Variants in MRPS31 observed in about 807,000 individuals in gnomAD.
The protein encoded by MRPS31 is small ribosomal subunit protein mS31.
Under a neutral mutation model 43.1 loss-of-function variants are expected in MRPS31, and 32 were observed. The observed-to-expected ratio is 0.74, with a 90% CI of 0.56 to 1.00. The LOEUF is 1.00. Ranked by LOEUF, MRPS31 falls within the 50% of genes least tolerant of loss-of-function variation. The probability of loss-of-function intolerance (pLI) is 0.00; values close to 1 mark genes in which losing one functional copy is unlikely to be tolerated. For missense variants in MRPS31, 437 were observed against 466.7 expected, an observed-to-expected ratio of 0.94 and a Z score of 0.59; for synonymous variants, 165 against 161.6, an observed-to-expected ratio of 1.02 and a Z score of -0.16.
Position 40,771,118 on chromosome 13 carries a change from T to C in MRPS31, c.19A>G (p.Thr7Ala), listed in dbSNP as rs747268164. 6.2e-7 allele frequency: 1 copy of C among 1,612,060 alleles called. No individual in the cohort carries two copies. Among genetic ancestry groups the C allele is most frequent in the South Asian group, 1.1e-5 (1 of 90,842 alleles). Residue 7 changes from threonine to alanine, a missense_variant, in exon 1 of 7, where the codon ACG (threonine) becomes GCG (alanine). Thr to Ala is a moderately conservative substitution (Grantham distance 58, BLOSUM62 0). Transcript: ENST00000323563. ...GAAAGGGGGCGAAGAGGTAGGAACG[T>C]CGAGACTCTAGGAAACATCGCCGAG... MFPRVS[T>A]FLPLRPLSRH...
intron 6 of MRPS31, among the ~76,000 whole-genome samples, chr13:40,739,646 C>G (rs1021728405): frequency 2.6e-5 from 4 of 152,094 alleles, no homozygotes; most frequent in Admixed American, 1.3e-4. Context: ...ATATCTACAA[C>G]TATCTGATCT....
intron 6 of MRPS31, among the ~76,000 whole-genome samples, chr13:40,735,084 C>T (rs547454274): frequency 2.0e-5 from 3 of 152,154 alleles, no homozygotes; most frequent in Non-Finnish European, 4.4e-5. Flanking sequence ...GCGCACCTTG[C>T]GCGAGCCGAA....
chr13:40,739,983 A>G (rs1020218716), intron 6 of MRPS31, among the ~76,000 whole-genome samples: 11 of 149,330 alleles, frequency 7.4e-5, no homozygotes, highest in Non-Finnish European at 1.0e-4. Context: ...AAAAGAAACT[A>G]CCATCAGAGT....
chr13:40,740,201 G>T (rs1419025854), intron 6 of MRPS31, among the ~76,000 whole-genome samples: 1 of 137,662 alleles, frequency 7.3e-6, no homozygotes, highest in African/African-American at 2.8e-5. Flanking sequence ...ACCATCACTG[G>T]CCATCAGAGA....
chr13:40,749,013 G>A, intron 6 of MRPS31, 125 bp downstream of exon 6: 1 of 862,312 alleles, frequency 1.2e-6, no homozygotes, highest in Non-Finnish European at 1.7e-6. Context: ...ATTTATTTTA[G>A]GACACCATGA....
intron 5 of MRPS31, among the ~76,000 whole-genome samples, chr13:40,750,301 G>A: frequency 6.6e-6 from 1 of 152,104 alleles, no homozygotes; most frequent in East Asian, 1.9e-4. Flanking sequence ...TTTCAGTTAT[G>A]TACAGTTCTA....
intron 1 of MRPS31, among the ~76,000 whole-genome samples, chr13:40,768,287 G>A (rs1247599127): frequency 6.6e-6 from 1 of 152,140 alleles, no homozygotes; most frequent in Non-Finnish European, 1.5e-5. Flanking sequence ...TAGTAAATAA[G>A]AATTTCATGG....
Position 40,771,151 on chromosome 13 carries a change from A to T in MRPS31, c.-15T>A. On this transcript the variant is annotated 5_prime_UTR_variant, in exon 1 of 7. Transcript: ENST00000323563. ...CTAGGAAACATCGCCGAGACACGAA[A>T]TGAACCAAGAACACAACTGAAATGG... 6.3e-7 allele frequency: 1 copy of T among 1,591,640 alleles called. No homozygotes were observed. Among genetic ancestry groups the T allele is most frequent in the Non-Finnish European group, 8.6e-7 (1 of 1,167,030 alleles).
At chr13:40,735,547 G>C (rs1879868832) in intron 6 of MRPS31, among the ~76,000 whole-genome samples, 1 of 152,078 alleles carries the variant, frequency 6.6e-6, no homozygotes, top group African/African-American at 2.4e-5. Flanking sequence ...CAGCTTTGAA[G>C]AGAGCAGTGG....
chr13:40,746,712 T>C (rs972723975), intron 6 of MRPS31, among the ~76,000 whole-genome samples: 3 of 152,218 alleles, frequency 2.0e-5, no homozygotes, highest in African/African-American at 7.2e-5. Context: ...AGATAATACA[T>C]ACTATCCTTG....
At chr13:40,743,752 G>A (rs1880165625) in intron 6 of MRPS31, among the ~76,000 whole-genome samples, 1 of 152,154 alleles carries the variant, frequency 6.6e-6, no homozygotes, top group African/African-American at 2.4e-5. Context: ...ACTGTTGGTG[G>A]GAATGTAAAT....
Position 40,749,188 on chromosome 13 carries a change from TG to T in MRPS31, c.907del (p.Gln303SerfsTer52). On this transcript the variant is annotated frameshift_variant, in exon 6 of 7. Transcript: ENST00000323563. LOFTEE classifies it high-confidence loss of function. ...CCATAGTTTCCCCTCTTTTGTCCAC[TG>T]GATCAGCTCTTCAAATCCATTCTGA... ...PLQNGFEELI[Q>X]WTKEGKLWEF... 6.2e-7 allele frequency: 1 copy of T among 1,602,438 alleles called. No individual in the cohort carries two copies. The highest frequency in any genetic ancestry group is 8.5e-7 in the Non-Finnish European group (1 of 1,177,746).
chr13:40,761,785 C>CT (rs1880701220), intron 2 of MRPS31, among the ~76,000 whole-genome samples: 1 of 152,012 alleles, frequency 6.6e-6, no homozygotes, highest in South Asian at 2.1e-4. Flanking sequence ...GGGAAAGAAA[C>CT]TGAGTGGATA....
At chr13:40,759,144 AAAAG>A (rs753057154) in intron 2 of MRPS31, 38 bp from the exon 3 acceptor site, 13 of 1,523,018 alleles carry the variant, frequency 8.5e-6, no homozygotes, top group Non-Finnish European at 1.1e-5. Context: ...GAAAGAAAAA[AAAAG>A]AGAGATTGGC....
chr13:40,754,146 CA>C, intron 4 of MRPS31, 54 bp from the exon 5 acceptor site: 2 of 976,742 alleles, frequency 2.0e-6, no homozygotes, highest in Non-Finnish European at 3.0e-6. Flanking sequence ...AAACTGTCAA[CA>C]AAAACTATGA....
chr13:40,770,771 G>A, intron 1 of MRPS31: 4 of 550,438 alleles, frequency 7.3e-6, no homozygotes, highest in Non-Finnish European at 1.3e-5. Context: ...CAAGAGGAAT[G>A]AGGCGCGGCG....
At chr13:40,756,763 T>C in intron 4 of MRPS31, 110 bp downstream of exon 4, 1 of 1,194,984 alleles carries the variant, frequency 8.4e-7, no homozygotes, top group South Asian at 1.3e-5. Flanking sequence ...GTATTCATAA[T>C]GTTCAGATAT....
rs186868722 is a variant in MRPS31 at position 40,744,206 on chromosome 13, G to A, written c.958+4932C>T. Among the ~76,000 whole-genome samples, 373 of 152,312 alleles carry A rather than the reference G, an allele frequency of 2.4e-3. 2 individuals carry two copies. Among genetic ancestry groups the A allele is most frequent in the Admixed American group, 5.7e-3 (87 of 15,292 alleles). ...AGACACTGGGGCCTATTTGAGGGTG[G>A]AGGGTGGGAGGAGAATGAAGATTGG... On this transcript the variant is annotated intron_variant, in intron 6 of 6. Transcript: ENST00000323563.
intron 6 of MRPS31, among the ~76,000 whole-genome samples, chr13:40,738,889 G>T (rs1300441404): frequency 2.0e-5 from 3 of 152,168 alleles, no homozygotes; most frequent in Non-Finnish European, 4.4e-5. Context: ...AGACAGGGAT[G>T]CCCTCTCTCA....
Sources: allele counts gnomAD v4.1 joint callset (sites outside exome capture counted in the v4.1 genomes callset), GRCh38; gene constraint gnomAD v4.1.1; transcripts MANE v1.5; gene names NCBI Gene and HGNC (gene_info 2026-07-23, HGNC 2026-07-21).